The following SMURF2 variants were observed in gnomAD, a reference collection of about 807,000 sequenced individuals.
SMURF2 encodes the protein E3 ubiquitin-protein ligase SMURF2.
SMURF2 carries 48 observed loss-of-function variants against 109.6 expected under a neutral mutation model. That is an observed-to-expected ratio of 0.44 (90% CI 0.35 to 0.56). SMURF2 has a LOEUF of 0.56. Among genes scored for constraint, SMURF2 ranks in the 20% least tolerant of loss-of-function variants. SMURF2 has a pLI of 0.01. For missense variants in SMURF2, 575 were observed against 909.0 expected (o/e 0.63, Z 4.72); for synonymous variants, 288 against 317.1 (o/e 0.91, Z 0.97).
chr17:64,544,457 A>G lies in SMURF2; in HGVS notation c.*1391T>C, dbSNP rs1568167480. 6.6e-6 allele frequency: 1 copy of G among 152,108 alleles called. No homozygotes were observed. Among genetic ancestry groups the G allele is most frequent in the Non-Finnish European group, 1.5e-5 (1 of 68,032 alleles). 9.4% of individuals were successfully genotyped at this position (152,108 alleles called of 1,614,324 possible). Reference sequence around the variant, plus strand: ...TTCACATCAATGTAAAAAAAAACTGATAGTACATATTTTTGATGGTTGAAT... The same window carrying G: ...TTCACATCAATGTAAAAAAAAACTGGTAGTACATATTTTTGATGGTTGAAT... On this transcript the variant is annotated 3_prime_UTR_variant, in exon 19 of 19. Coordinates refer to ENST00000262435, the MANE Select transcript of SMURF2 (RefSeq NM_022739.4).
chr17:64,644,551 A>C (rs980056720), intron 1 of SMURF2, among the ~76,000 whole-genome samples: 4 of 151,272 alleles, frequency 2.6e-5, no homozygotes, highest in Non-Finnish European at 5.9e-5. Context: ...AGCCATGATC[A>C]AACCACTGCA....
At chr17:64,614,946 G>A (rs557179924) in intron 1 of SMURF2, among the ~76,000 whole-genome samples, 15 of 152,286 alleles carry the variant, frequency 9.8e-5, no homozygotes, top group Middle Eastern at 3.4e-3. Context: ...TTGAGGCAGC[G>A]ATTAGAGAAA....
chr17:64,546,161 G>A, intron 18 of SMURF2, 102 bp downstream of exon 18: 3 of 1,136,868 alleles, frequency 2.6e-6, no homozygotes, highest in Non-Finnish European at 3.9e-6. Flanking sequence ...CCCTTTAAAG[G>A]CCCATTTAAC....
chr17:64,649,579 T>C (rs965961125), intron 1 of SMURF2, among the ~76,000 whole-genome samples: 7 of 152,232 alleles, frequency 4.6e-5, no homozygotes, highest in Admixed American at 2.0e-4. Flanking sequence ...CAGTGGCTCA[T>C]GCCTGTAATC....
At chr17:64,646,221 A>G (rs568980626) in intron 1 of SMURF2, among the ~76,000 whole-genome samples, 1 of 151,860 alleles carries the variant, frequency 6.6e-6, no homozygotes, top group African/African-American at 2.4e-5. Context: ...GCACACCACC[A>G]TGCCCAACTA....
intron 5 of SMURF2, among the ~76,000 whole-genome samples, chr17:64,587,169 C>A (rs1969675105): frequency 6.6e-6 from 1 of 151,844 alleles, no homozygotes; most frequent in Non-Finnish European, 1.5e-5. Flanking sequence ...AGTGAGACTC[C>A]GTCTCAAAAA....
At chr17:64,596,623 C>T (rs1969823021) in intron 3 of SMURF2, among the ~76,000 whole-genome samples, 1 of 128,462 alleles carries the variant, frequency 7.8e-6, no homozygotes, top group African/African-American at 2.9e-5. Flanking sequence ...AGTCACTAAA[C>T]CTAGAAGAGA....
chr17:64,566,326 T>C (rs1219378900), intron 10 of SMURF2, among the ~76,000 whole-genome samples: 3 of 151,918 alleles, frequency 2.0e-5, no homozygotes, highest in East Asian at 1.9e-4. Flanking sequence ...CTACATTACA[T>C]AGCTGAATAA....
At chr17:64,658,911 A>C (rs1970737985) in intron 1 of SMURF2, among the ~76,000 whole-genome samples, 1 of 152,214 alleles carries the variant, frequency 6.6e-6, no homozygotes, top group South Asian at 2.1e-4. Context: ...ATCATATGTT[A>C]ATGTGTCATA....
chr17:64,565,798 A>G (rs1298278187), intron 10 of SMURF2, among the ~76,000 whole-genome samples: 1 of 152,146 alleles, frequency 6.6e-6, no homozygotes, highest in African/African-American at 2.4e-5. Flanking sequence ...CAAAATAAAT[A>G]TCAGTTACTA....
At chr17:64,621,064 C>T (rs1201795331) in intron 1 of SMURF2, among the ~76,000 whole-genome samples, 2 of 152,154 alleles carry the variant, frequency 1.3e-5, no homozygotes, top group Non-Finnish European at 2.9e-5. Context: ...AGTATATTGT[C>T]CCATAATGTT....
At chr17:64,578,695 T>A in intron 8 of SMURF2, 119 bp from the exon 9 acceptor site, 1 of 640,478 alleles carries the variant, frequency 1.6e-6, no homozygotes, top group Admixed American at 3.2e-5. Flanking sequence ...ATCTATTTTA[T>A]TTATTATCAA....
In SMURF2 at chr17:64,556,833, C is replaced by T. The variant is rs139440679; in HGVS notation, c.1431+775G>A. Reference sequence around the variant, plus strand: ...TATTTACTAAGTAATCTTTTAAGCTCGTCTTTAAACCTTTTATCTTGTTTT... The same window carrying T: ...TATTTACTAAGTAATCTTTTAAGCTTGTCTTTAAACCTTTTATCTTGTTTT... On this transcript the variant is annotated intron_variant, in intron 13 of 18. Coordinates refer to ENST00000262435, the MANE Select transcript of SMURF2 (RefSeq NM_022739.4). Among the ~76,000 whole-genome samples, 5 of 152,242 alleles carry T rather than the reference C, an allele frequency of 3.3e-5. No individual in the cohort carries two copies. In the East Asian group the frequency reaches 7.7e-4, roughly 23 times the overall value.
intron 16 of SMURF2, among the ~76,000 whole-genome samples, chr17:64,548,818 C>T (rs7212377): frequency 0.96 from 145,870 of 152,232 alleles, 69,927 homozygotes; most frequent in East Asian, 1. Flanking sequence ...TTTATACTAT[C>T]ATTAATATGT....
At chr17:64,628,878 C>A (rs1259039451) in intron 1 of SMURF2, among the ~76,000 whole-genome samples, 2 of 152,208 alleles carry the variant, frequency 1.3e-5, no homozygotes, top group Non-Finnish European at 2.9e-5. Context: ...TCCCTCACAT[C>A]TTCCTGCCTT....
chr17:64,577,647 G>C (rs1305242212), intron 9 of SMURF2, among the ~76,000 whole-genome samples: 16 of 151,114 alleles, frequency 1.1e-4, no homozygotes, highest in African/African-American at 3.9e-4. Context: ...CCAGGCTGGA[G>C]TGCTGTAGCA....
intron 15 of SMURF2, 67 bp from the exon 16 acceptor site, chr17:64,551,771 A>G (rs1969049390): frequency 6.3e-7 from 1 of 1,588,380 alleles, no homozygotes; most frequent in Non-Finnish European, 8.6e-7. Context: ...ATTATTATAA[A>G]TCTCTACTTT....
At chr17:64,622,226 C>A (rs782073430) in intron 1 of SMURF2, among the ~76,000 whole-genome samples, 1 of 151,704 alleles carries the variant, frequency 6.6e-6, no homozygotes, top group Non-Finnish European at 1.5e-5. Flanking sequence ...AGAATAGTTT[C>A]AGATTTACAG....
rs561681777 is a variant in SMURF2 at position 64,569,522 on chromosome 17, T to C, written c.1016+2276A>G. On this transcript the variant is annotated intron_variant, in intron 10 of 18. Coordinates refer to ENST00000262435, the MANE Select transcript of SMURF2 (RefSeq NM_022739.4). ...AAAGCTGTTCAAGCTCAATAGACAA[T>C]GGCAAAAAATTGTGAACAGGACCTT... Among the ~76,000 whole-genome samples, 4 of 151,954 alleles carry C rather than the reference T, an allele frequency of 2.6e-5. No homozygotes were observed. In the South Asian group the frequency reaches 6.3e-4, roughly 24 times the overall value.
Sources: allele counts gnomAD v4.1 joint callset (sites outside exome capture counted in the v4.1 genomes callset), GRCh38; gene constraint gnomAD v4.1.1; transcripts MANE v1.5; gene names NCBI Gene and HGNC (gene_info 2026-07-23, HGNC 2026-07-21).